The following PACRGL variants were observed in gnomAD, a reference collection of about 807,000 sequenced individuals.
The protein encoded by PACRGL is parkin coregulated like.
A neutral mutation model predicts 34.5 loss-of-function variants in PACRGL; 38 were observed. The observed-to-expected ratio is 1.10, with a 90% CI of 0.85 to 1.44. PACRGL has a LOEUF of 1.44. Ranked by LOEUF, PACRGL falls within the 40% of genes most tolerant of loss-of-function variation. The pLI is 0.00. For synonymous variants in PACRGL, 128 were observed against 100.1 expected (o/e 1.28, Z -1.66); for missense variants, 305 against 281.4 (o/e 1.08, Z -0.60).
At chr4:20,760,167 C>G in the PACRGL span, among the ~76,000 whole-genome samples, 1 of 152,146 alleles carries the variant, frequency 6.6e-6, no homozygotes, top group South Asian at 2.1e-4. Context: ...TGTTTAGTCT[C>G]TTTTAGTAGA....
At chr4:20,712,119 G>A (rs1737539370) in intron 5 of PACRGL, among the ~76,000 whole-genome samples, 1 of 151,748 alleles carries the variant, frequency 6.6e-6, no homozygotes, top group Admixed American at 6.6e-5. Context: ...CCTTCTTTTT[G>A]TCTATAGTTT....
At chr4:20,743,863 C>T (rs1268513489) in intron 8 of PACRGL, among the ~76,000 whole-genome samples, 5 of 151,766 alleles carry the variant, frequency 3.3e-5, no homozygotes, top group Admixed American at 2.0e-4. Context: ...ATTTTCGCAA[C>T]CTACTCATCT....
rs1747978296 is a variant in PACRGL, at chr4:20,730,945, C to G, written c.*3604C>G. On this transcript the variant is annotated 3_prime_UTR_variant, in exon 9 of 9. Transcript: ENST00000503585. ...CTTAATGTCACCAAATTAATTCTCT[C>G]AAAGACCACTGCATGGAAATCCAAG... is the stretch of plus-strand genomic sequence containing the variant. Among the ~76,000 whole-genome samples the G allele has an allele frequency of 6.6e-6, 1 of 152,132 alleles. No homozygotes were observed. The highest frequency in any genetic ancestry group is 2.4e-5 in the African/African-American group (1 of 41,420).
intron 8 of PACRGL, among the ~76,000 whole-genome samples, chr4:20,745,924 C>T (rs914612562): frequency 1.1e-4 from 16 of 152,074 alleles, no homozygotes; most frequent in Non-Finnish European, 2.2e-4. Flanking sequence ...TAGAAAAATT[C>T]CCCCAACTAG....
intron 8 of PACRGL, among the ~76,000 whole-genome samples, chr4:20,739,402 C>A (rs1003903626): frequency 6.6e-6 from 1 of 152,198 alleles, no homozygotes; most frequent in African/African-American, 2.4e-5. Context: ...AAGGATCAGG[C>A]AGCAACATGT....
chr4:20,749,807 C>G (rs949696688), intron 8 of PACRGL: 1 of 934,030 alleles, frequency 1.1e-6, no homozygotes, highest in African/African-American at 1.6e-5. Context: ...GCAGTCCAAG[C>G]TTCCTTTGAT....
chr4:20,711,964 A>T (rs1456689493), intron 5 of PACRGL, among the ~76,000 whole-genome samples: 1 of 152,164 alleles, frequency 6.6e-6, no homozygotes, highest in African/African-American at 2.4e-5. Context: ...TATTTTAGGA[A>T]CTTATTAAGT....
At chr4:20,713,970 T>C (rs1309579577) in intron 7 of PACRGL, among the ~76,000 whole-genome samples, 1 of 152,180 alleles carries the variant, frequency 6.6e-6, no homozygotes, top group Non-Finnish European at 1.5e-5. Flanking sequence ...AAAATGTATA[T>C]TCTGTTGATT....
chr4:20,745,970 G>A (rs757179413), intron 8 of PACRGL, among the ~76,000 whole-genome samples: 20 of 152,158 alleles, frequency 1.3e-4, no homozygotes, highest in Middle Eastern at 3.2e-3. Context: ...AGACTGTGGC[G>A]ATTCCTCAAG....
chr4:20,758,643 A>G, the PACRGL span, among the ~76,000 whole-genome samples: 2 of 152,218 alleles, frequency 1.3e-5, no homozygotes, highest in Non-Finnish European at 1.5e-5. Context: ...GATATTTGAT[A>G]ATTTCTAAGT....
chr4:20,732,606 C>T (rs566900790), downstream of PACRGL: 3 of 877,150 alleles, frequency 3.4e-6, no homozygotes, highest in African/African-American at 3.3e-5. Context: ...TCTTTTGAAT[C>T]ATCGTGGTGC....
intron 7 of PACRGL, among the ~76,000 whole-genome samples, chr4:20,719,766 G>T (rs1482528742): frequency 7.3e-6 from 1 of 136,106 alleles, no homozygotes; most frequent in Non-Finnish European, 1.6e-5. Context: ...GGTCAATTTT[G>T]GAATAAGTGT....
chr4:20,700,130 A>AT (rs1037493339), upstream of PACRGL, among the ~76,000 whole-genome samples: 2 of 152,156 alleles, frequency 1.3e-5, no homozygotes, highest in African/African-American at 4.8e-5. Context: ...CTGAGGAACA[A>AT]TGAGTATTAA....
Position 20,731,459 on chromosome 4 carries a change from A to AC in PACRGL, c.*4119dup. ...ACACTGGTTTCTTTGATAACAGGCT[A>AC]CTACCTGGAGTTCTCTTCAGAGAAA... On this transcript the variant is annotated 3_prime_UTR_variant, in exon 9 of 9. Coordinates refer to ENST00000503585, the MANE Select transcript of PACRGL (RefSeq NM_001258345.3). 1.0e-6 allele frequency: 1 copy of AC among 985,290 alleles called. No homozygotes were observed. Among genetic ancestry groups the AC allele is most frequent in the South Asian group, 4.7e-5 (1 of 21,282 alleles). 61.0% of individuals were successfully genotyped at this position (985,290 alleles called of 1,614,324 possible).
At chr4:20,702,072 A>G (rs1304306091) in intron 1 of PACRGL, 1 of 445,190 alleles carries the variant, frequency 2.2e-6, no homozygotes, top group Non-Finnish European at 4.5e-6. Flanking sequence ...CCATGTTTAA[A>G]ACTTTTTCAA....
downstream of PACRGL, among the ~76,000 whole-genome samples, chr4:20,734,362 A>G (rs181057063): frequency 6.6e-6 from 1 of 152,228 alleles, no homozygotes; most frequent in East Asian, 1.9e-4. Flanking sequence ...TCTGATTCCA[A>G]CCATGATCTT....
chr4:20,743,670 G>A (rs568554866), intron 8 of PACRGL, among the ~76,000 whole-genome samples: 25 of 152,200 alleles, frequency 1.6e-4, no homozygotes, highest in South Asian at 4.2e-4. Flanking sequence ...AAAAACCCTA[G>A]AAGAAAACCT....
the PACRGL span, among the ~76,000 whole-genome samples, chr4:20,759,165 T>C: frequency 1.3e-5 from 2 of 152,214 alleles, no homozygotes; most frequent in Admixed American, 1.3e-4. Flanking sequence ...AGAACACATA[T>C]GTTTATTATA....
downstream of PACRGL, chr4:20,753,036 A>C (rs1753919497): frequency 6.6e-6 from 1 of 152,186 alleles, no homozygotes; most frequent in African/African-American, 2.4e-5. Context: ...GAGTTTGTTA[A>C]GCTGGGATTG....
Sources: gnomAD v4.1 joint callset for allele counts (sites outside exome capture counted in the v4.1 genomes callset) on GRCh38, gnomAD v4.1.1 for gene constraint, MANE v1.5 for transcripts, NCBI Gene and HGNC (gene_info 2026-07-23, HGNC 2026-07-21) for gene names.